LRRC4C: variants seen among roughly 807,000 people sequenced by gnomAD.
LRRC4C encodes leucine rich repeat containing 4C.
A neutral mutation model predicts 33.6 loss-of-function variants in LRRC4C; 5 were observed. The ratio of observed to expected loss-of-function variants is 0.15; its 90% CI spans 0.08 to 0.31. The LOEUF is 0.31. LRRC4C is among the 10% of genes least tolerant of loss of function. The probability of loss-of-function intolerance (pLI) is 1.00; values close to 1 mark genes in which losing one functional copy is unlikely to be tolerated. For synonymous variants in LRRC4C, 329 were observed against 302.0 expected (o/e 1.09, Z -0.93); for missense variants, 560 against 796.7 (o/e 0.70, Z 3.58).
At chr11:40,428,358 G>A (rs1950793940) in intron 3 of LRRC4C, among the ~76,000 whole-genome samples, 1 of 152,066 alleles carries the variant, frequency 6.6e-6, no homozygotes, top group Non-Finnish European at 1.5e-5. Context: ...ACATGGCTTT[G>A]GCAAATATAT....
intron 1 of LRRC4C, among the ~76,000 whole-genome samples, chr11:41,417,906 T>C (rs1468686636): frequency 6.6e-6 from 1 of 151,664 alleles, no homozygotes; most frequent in African/African-American, 2.4e-5. Flanking sequence ...AAACACCATA[T>C]ATATGGTGTA....
At chr11:40,196,254 A>G (rs1862252888) in intron 5 of LRRC4C, among the ~76,000 whole-genome samples, 1 of 152,196 alleles carries the variant, frequency 6.6e-6, no homozygotes, top group Non-Finnish European at 1.5e-5. Context: ...AACAGAATGA[A>G]AACCTGGGAC....
chr11:40,473,026 A>G (rs1264373027), intron 3 of LRRC4C, among the ~76,000 whole-genome samples: 2 of 152,210 alleles, frequency 1.3e-5, no homozygotes, highest in Non-Finnish European at 2.9e-5. Context: ...TACCAGAGAT[A>G]CAAAGAGGAG....
chr11:41,331,211 A>G (rs529983847), intron 1 of LRRC4C, among the ~76,000 whole-genome samples: 1 of 152,358 alleles, frequency 6.6e-6, no homozygotes, highest in East Asian at 1.9e-4. Context: ...AAATATGTCC[A>G]TTATGAGATC....
chr11:41,090,192 A>G (rs1940305303), intron 1 of LRRC4C, among the ~76,000 whole-genome samples: 2 of 152,144 alleles, frequency 1.3e-5, no homozygotes, highest in Non-Finnish European at 2.9e-5. Context: ...AATGTGCATA[A>G]TATGAGTTAT....
chr11:40,397,665 T>C (rs1949596045), intron 3 of LRRC4C, among the ~76,000 whole-genome samples: 1 of 152,088 alleles, frequency 6.6e-6, no homozygotes, highest in Admixed American at 6.6e-5. Context: ...TGTTTCTACA[T>C]AGAATGAAGT....
intron 2 of LRRC4C, among the ~76,000 whole-genome samples, chr11:40,754,105 C>A (rs937970170): frequency 1.3e-5 from 2 of 151,830 alleles, no homozygotes; most frequent in African/African-American, 2.4e-5. Context: ...TCCACATAAT[C>A]ATTTAATTTG....
At chr11:40,936,987 A>C (rs999678394) in intron 1 of LRRC4C, among the ~76,000 whole-genome samples, 2 of 152,234 alleles carry the variant, frequency 1.3e-5, no homozygotes, top group Non-Finnish European at 2.9e-5. Context: ...AATTAAAAAC[A>C]AAGTAACTGT....
chr11:41,077,108 T>G (rs1939210493), intron 1 of LRRC4C, among the ~76,000 whole-genome samples: 1 of 152,206 alleles, frequency 6.6e-6, no homozygotes, highest in African/African-American at 2.4e-5. Context: ...CCTGTCACTC[T>G]GCAGGGTTCA....
intron 3 of LRRC4C, among the ~76,000 whole-genome samples, chr11:40,394,565 G>A (rs1397627645): frequency 6.6e-6 from 1 of 152,034 alleles, no homozygotes; most frequent in Non-Finnish European, 1.5e-5. Context: ...AAAACAACTG[G>A]ACAAACCCAC....
At chr11:40,473,916 A>G (rs1463535388) in intron 3 of LRRC4C, among the ~76,000 whole-genome samples, 1 of 152,202 alleles carries the variant, frequency 6.6e-6, no homozygotes, top group Non-Finnish European at 1.5e-5. Context: ...AAACTCTTCA[A>G]GGAGAACTAC....
chr11:40,607,893 G>A (rs10837443), intron 3 of LRRC4C, among the ~76,000 whole-genome samples: 25,868 of 151,966 alleles, frequency 0.17, 2,627 homozygotes, highest in East Asian at 0.47. Context: ...TGGTGCCCAC[G>A]GTCCCCAAGA....
At position 41,086,989 on chromosome 11, in the gene LRRC4C, G is replaced by A. The variant is rs150421927; in HGVS notation, c.-495-153266C>T. On this transcript the variant is annotated intron_variant, in intron 1 of 6. Coordinates refer to ENST00000528697, the MANE Select transcript of LRRC4C (RefSeq NM_001258419.2). ...AGGAATATTGGTGACAACATTCTTT[G>A]TACAATTCTACTCCTTCTTCATTAG... 7.0e-3 allele frequency among the ~76,000 whole-genome samples: 1,056 copies of A among 150,260 alleles called. 9 individuals carry two copies. Among genetic ancestry groups the A allele is most frequent in the Non-Finnish European group, 0.01 (679 of 67,724 alleles).
At chr11:40,305,191 A>T (rs1488238462) in intron 4 of LRRC4C, among the ~76,000 whole-genome samples, 1 of 152,032 alleles carries the variant, frequency 6.6e-6, no homozygotes, top group African/African-American at 2.4e-5. Context: ...GATCTTTTTG[A>T]TCTTGTAAGA....
intron 1 of LRRC4C, among the ~76,000 whole-genome samples, chr11:41,110,941 A>T (rs1244126669): frequency 6.6e-6 from 1 of 151,842 alleles, no homozygotes; most frequent in Non-Finnish European, 1.5e-5. Flanking sequence ...TCACCCCCAG[A>T]ATTTCTGATT....
intron 2 of LRRC4C, among the ~76,000 whole-genome samples, chr11:40,680,473 A>G (rs957650645): frequency 2.6e-5 from 4 of 152,196 alleles, no homozygotes; most frequent in Non-Finnish European, 4.4e-5. Context: ...TGTAGCTCCC[A>G]TAAGTCCCAC....
At chr11:41,355,091 G>A (rs1386903880) in intron 1 of LRRC4C, among the ~76,000 whole-genome samples, 4 of 151,982 alleles carry the variant, frequency 2.6e-5, no homozygotes, top group Non-Finnish European at 5.9e-5. Context: ...TGCTAACTCT[G>A]CATGTGACAA....
At position 40,253,301 on chromosome 11, in the gene LRRC4C, A is replaced by G. The variant is rs373978644; in HGVS notation, c.-175-11703T>C. Reference sequence around the variant, plus strand: ...TATTTTCAAAAACGTAGCACATGCTAAGACTATAAAACAATGATCTCCTCT... The same window carrying G: ...TATTTTCAAAAACGTAGCACATGCTGAGACTATAAAACAATGATCTCCTCT... On this transcript the variant is annotated intron_variant, in intron 4 of 6. Coordinates refer to ENST00000528697, the MANE Select transcript of LRRC4C (RefSeq NM_001258419.2). Among the ~76,000 whole-genome samples, 15 of 152,360 alleles carry G rather than the reference A, an allele frequency of 9.8e-5. No homozygotes were observed. The East Asian group carries it at 2.3e-3, about 24-fold the overall frequency.
chr11:41,413,190 A>G (rs1261281409), intron 1 of LRRC4C, among the ~76,000 whole-genome samples: 1 of 152,158 alleles, frequency 6.6e-6, no homozygotes, highest in Non-Finnish European at 1.5e-5. Flanking sequence ...TCATACAAGG[A>G]ATGGAAAAAG....
Sources: gnomAD v4.1 joint callset for allele counts (sites outside exome capture counted in the v4.1 genomes callset) on GRCh38, gnomAD v4.1.1 for gene constraint, MANE v1.5 for transcripts, NCBI Gene and HGNC (gene_info 2026-07-23, HGNC 2026-07-21) for gene names.